MCOLN2: variants seen among roughly 807,000 people sequenced by gnomAD.
The protein encoded by MCOLN2 is mucolipin-2.
In MCOLN2, 57 loss-of-function variants were observed where a neutral mutation model predicts 67.5. That is an observed-to-expected ratio of 0.84 (90% CI 0.68 to 1.05). The LOEUF is 1.05. Ranked by LOEUF, MCOLN2 falls within the 50% of genes least tolerant of loss-of-function variation. The probability of loss-of-function intolerance (pLI) is 0.00; values close to 1 mark genes in which losing one functional copy is unlikely to be tolerated. For synonymous variants in MCOLN2, 246 were observed against 233.3 expected (o/e 1.05, Z -0.50); for missense variants, 620 against 678.8 (o/e 0.91, Z 0.96).
At chr1:84,970,062 G>A (rs1371449207) in intron 1 of MCOLN2, among the ~76,000 whole-genome samples, 1 of 152,220 alleles carries the variant, frequency 6.6e-6, no homozygotes, top group African/African-American at 2.4e-5. Flanking sequence ...GAACATGCCT[G>A]TAAGAAGCCC....
intron 1 of MCOLN2, among the ~76,000 whole-genome samples, chr1:84,965,913 A>G (rs867238805): frequency 6.6e-6 from 1 of 152,076 alleles, no homozygotes; most frequent in Non-Finnish European, 1.5e-5. Context: ...ATTATTCCAG[A>G]CCTTCTACCT....
At chr1:84,986,543 CAA>C (rs570093444) in intron 1 of MCOLN2, among the ~76,000 whole-genome samples, 5 of 49,412 alleles carry the variant, frequency 1.0e-4, no homozygotes, top group Admixed American at 2.1e-4. Flanking sequence ...AACTCCATCT[CAA>C]AAAAAAAAAA....
intron 2 of MCOLN2, among the ~76,000 whole-genome samples, chr1:84,960,677 G>A (rs1388875392): frequency 6.6e-6 from 1 of 152,180 alleles, no homozygotes; most frequent in Non-Finnish European, 1.5e-5. Context: ...TCTGTCAATG[G>A]TGCCTGTAGG....
intron 2 of MCOLN2, among the ~76,000 whole-genome samples, chr1:84,962,959 G>T (rs1649173098): frequency 6.6e-6 from 1 of 152,122 alleles, no homozygotes; most frequent in South Asian, 2.1e-4. Context: ...AGAAAGGTAG[G>T]CATAAGACAA....
intron 11 of MCOLN2, among the ~76,000 whole-genome samples, chr1:84,932,389 T>A (rs1647225042): frequency 6.6e-6 from 1 of 152,092 alleles, no homozygotes. Context: ...TTTTTGTATT[T>A]TTTTGTAGAG....
intron 4 of MCOLN2, among the ~76,000 whole-genome samples, chr1:84,952,754 A>ATCTCATGTC (rs1250366442): frequency 6.6e-6 from 1 of 152,244 alleles, no homozygotes; most frequent in African/African-American, 2.4e-5. Flanking sequence ...CATCACAGTA[A>ATCTCATGTC]TGAGATAAAC....
chr1:84,965,391 A>C (rs146442425), intron 2 of MCOLN2, among the ~76,000 whole-genome samples, 158 bp downstream of exon 2: 4 of 152,216 alleles, frequency 2.6e-5, no homozygotes, highest in African/African-American at 9.7e-5. Context: ...TCTTCTAAAC[A>C]GAACTTCAAC....
At chr1:84,986,791 C>T (rs965429349) in intron 1 of MCOLN2, among the ~76,000 whole-genome samples, 8 of 152,096 alleles carry the variant, frequency 5.3e-5, no homozygotes, top group African/African-American at 1.9e-4. Flanking sequence ...TGCTCAACAT[C>T]ACTAATGATG....
At chr1:84,944,300 C>T (rs1053966623) in intron 7 of MCOLN2, among the ~76,000 whole-genome samples, 10 of 152,038 alleles carry the variant, frequency 6.6e-5, no homozygotes, top group African/African-American at 9.7e-5. Context: ...TTTGGGAGGC[C>T]GAGGCGGGCA....
At chr1:84,944,783 G>C (rs1648000425) in intron 7 of MCOLN2, among the ~76,000 whole-genome samples, 1 of 152,160 alleles carries the variant, frequency 6.6e-6, no homozygotes, top group African/African-American at 2.4e-5. Context: ...ACAAAGGAGA[G>C]AGGAGCCTGG....
In MCOLN2 at chr1:84,937,939, G is replaced by A. The variant is rs747963178; in HGVS notation, c.1212+42C>T. On this transcript the variant is annotated intron_variant, in intron 10 of 13. Transcript: ENST00000370608. ...AGCTATTAGAACCCAAAGAATAAAT[G>A]AGTCTCAACTGCAGTGGCACTACCC... The A allele has an allele frequency of 2.4e-5, 39 of 1,612,854 alleles. No individual in the cohort carries two copies. The East Asian group carries it at 8.7e-4, about 36-fold the overall frequency.
At chr1:84,949,359 C>G (rs551286861) in intron 6 of MCOLN2, among the ~76,000 whole-genome samples, 2 of 152,164 alleles carry the variant, frequency 1.3e-5, no homozygotes, top group Non-Finnish European at 2.9e-5. Flanking sequence ...TGCAAATAGG[C>G]CGGGCGCGGT....
chr1:84,967,293 T>G (rs894547786), intron 1 of MCOLN2, among the ~76,000 whole-genome samples: 8 of 152,212 alleles, frequency 5.3e-5, no homozygotes, highest in Non-Finnish European at 8.8e-5. Flanking sequence ...ACAAATACCC[T>G]TCATGGCTTA....
At chr1:84,932,051 CA>C (rs1647214965) in intron 11 of MCOLN2, among the ~76,000 whole-genome samples, 3 of 151,852 alleles carry the variant, frequency 2.0e-5, no homozygotes, top group Non-Finnish European at 4.4e-5. Context: ...CACACACACA[CA>C]CCCCTCCATA....
At chr1:84,980,844 G>T (rs1650219111) in intron 1 of MCOLN2, among the ~76,000 whole-genome samples, 1 of 152,058 alleles carries the variant, frequency 6.6e-6, no homozygotes, top group Non-Finnish European at 1.5e-5. Flanking sequence ...GCACAGCAAA[G>T]GAAACAATCA....
intron 2 of MCOLN2, among the ~76,000 whole-genome samples, chr1:84,959,640 C>A (rs997164512): frequency 1.3e-5 from 2 of 152,168 alleles, no homozygotes; most frequent in Admixed American, 6.6e-5. Context: ...GTAGTCAAAT[C>A]TCTATAAGCC....
rs1661168237 is a variant in MCOLN2 at position 84,926,613 on chromosome 1, C to T, written c.*72G>A. The stretch of plus-strand genomic sequence containing the variant: ...GAGAGTCATTTTGGAACTGCTTGTC[C>T]AAGTCATTTGGGGTTCCTCTGCTCA... On this transcript the variant is annotated 3_prime_UTR_variant, in exon 14 of 14. Coordinates refer to ENST00000370608, the MANE Select transcript of MCOLN2 (RefSeq NM_153259.4). 4.3e-6 allele frequency: 5 copies of T among 1,175,650 alleles called. No homozygotes were observed. The Admixed American group carries it at 1.1e-4, about 26-fold the overall frequency. The allele number at this position is 1,175,650 out of a possible 1,614,324, so 72.8% of individuals were successfully genotyped here.
intron 1 of MCOLN2, among the ~76,000 whole-genome samples, chr1:84,996,100 A>AT (rs1409495617): frequency 3.9e-5 from 6 of 152,144 alleles, no homozygotes; most frequent in Admixed American, 3.9e-4. Context: ...TTCTGACTCA[A>AT]TAGGGGAAAG....
chr1:84,939,364 T>G (rs1376504233), intron 9 of MCOLN2, among the ~76,000 whole-genome samples, 189 bp downstream of exon 9: 1 of 152,096 alleles, frequency 6.6e-6, no homozygotes, highest in African/African-American at 2.4e-5. Flanking sequence ...TTGCCAAGTT[T>G]CGTTCCATGG....
Sources: allele counts gnomAD v4.1 joint callset (sites outside exome capture counted in the v4.1 genomes callset), GRCh38; gene constraint gnomAD v4.1.1; transcripts MANE v1.5; gene names NCBI Gene and HGNC (gene_info 2026-07-23, HGNC 2026-07-21).